The following ZNF320 variants were observed in gnomAD, a reference collection of about 807,000 sequenced individuals.
ZNF320 encodes the protein zinc finger protein 320.
ZNF320 carries 2 observed loss-of-function variants against 6.8 expected under a neutral mutation model. The ratio of observed to expected loss-of-function variants is 0.29; its 90% CI spans 0.12 to 0.93. The LOEUF is 0.93. ZNF320 is among the 40% of genes least tolerant of loss of function. The pLI is 0.55. For synonymous variants in ZNF320, 208 were observed against 203.2 expected (o/e 1.02, Z -0.20); for missense variants, 472 against 611.0 (o/e 0.77, Z 2.40).
chr19:52,859,672 C>A (rs1292436801), downstream of ZNF320, among the ~76,000 whole-genome samples: 1 of 152,104 alleles, frequency 6.6e-6, no homozygotes, highest in Non-Finnish European at 1.5e-5. Flanking sequence ...GCATAGGCTG[C>A]GGCAGCTTGA....
the ZNF320 span, among the ~76,000 whole-genome samples, chr19:52,903,775 G>C: frequency 6.6e-6 from 1 of 151,774 alleles, no homozygotes; most frequent in African/African-American, 2.4e-5. Context: ...GGGTAAAGAG[G>C]GCACACACAC....
chr19:52,870,978 C>T lies in ZNF320; in HGVS notation c.223+3014G>A, dbSNP rs13344667. ...TGACCAATATGGTGAAATCCCATCT[C>T]TACTAAGAATACAAAAAAATTAGCC... On this transcript the variant is annotated intron_variant, in intron 5 of 5. Transcript: ENST00000673631. Among the ~76,000 whole-genome samples, 729 of 151,864 alleles carry T rather than the reference C, an allele frequency of 4.8e-3. 7 individuals carry two copies. Among genetic ancestry groups the T allele is most frequent in the African/African-American group, 0.017 (685 of 41,394 alleles).
At chr19:52,900,328 T>A (rs1273741739), upstream of ZNF320, among the ~76,000 whole-genome samples, 1 of 152,176 alleles carries the variant, frequency 6.6e-6, no homozygotes, top group Non-Finnish European at 1.5e-5. Flanking sequence ...GATGAGTGAA[T>A]TTTTTTCTTT....
At position 52,879,943 on chromosome 19, in the gene ZNF320, A is replaced by G. The variant is rs1357524507; in HGVS notation, c.*653T>C. Reference sequence around the variant, plus strand: ...GATCAAAGTGATAAAAACATGTGCAAATAAGAGATACAAGCCATATTGAAT... The same window carrying G: ...GATCAAAGTGATAAAAACATGTGCAGATAAGAGATACAAGCCATATTGAAT... On this transcript the variant is annotated 3_prime_UTR_variant, in exon 6 of 6. Transcript: ENST00000682928. The G allele has an allele frequency of 1.3e-5, 2 of 152,256 alleles. No homozygotes were observed. The highest frequency in any genetic ancestry group is 4.8e-5 in the African/African-American group (2 of 41,468). The allele number at this position is 152,256 out of a possible 1,614,324, so 9.4% of individuals were successfully genotyped here. A position where few individuals can be genotyped will look rare whatever the true frequency, so the allele number is the denominator to read the frequency against.
At chr19:52,874,013 C>A, downstream of ZNF320, 2 of 465,430 alleles carry the variant, frequency 4.3e-6, no homozygotes, top group Non-Finnish European at 8.6e-6. Flanking sequence ...CCATCCCTGG[C>A]TCCTTTTCTT....
At chr19:52,873,785 C>T (rs2063720917), downstream of ZNF320, among the ~76,000 whole-genome samples, 1 of 152,110 alleles carries the variant, frequency 6.6e-6, no homozygotes, top group African/African-American at 2.4e-5. Context: ...AGGACCATGC[C>T]CAGTGGAGCC....
At chr19:52,890,370 C>T (rs1308729572) in intron 3 of ZNF320, 42 bp from the exon 4 acceptor site, 1 of 1,399,292 alleles carries the variant, frequency 7.1e-7, no homozygotes, top group African/African-American at 1.4e-5. Flanking sequence ...AGAATCAACA[C>T]ACCCCCTCCC....
At chr19:52,898,024 T>G (rs975431707), upstream of ZNF320, among the ~76,000 whole-genome samples, 1 of 152,242 alleles carries the variant, frequency 6.6e-6, no homozygotes, top group Non-Finnish European at 1.5e-5. Context: ...AGGCGGTCAT[T>G]GGACCCAGGA....
chr19:52,860,563 C>T (rs1251086706), downstream of ZNF320, among the ~76,000 whole-genome samples: 1 of 145,192 alleles, frequency 6.9e-6, no homozygotes, highest in Non-Finnish European at 1.5e-5. Flanking sequence ...TGTGCCATTG[C>T]ACTCCAGCCT....
At chr19:52,890,529 C>G (rs2064253865) in intron 3 of ZNF320, among the ~76,000 whole-genome samples, 1 of 152,162 alleles carries the variant, frequency 6.6e-6, no homozygotes, top group Non-Finnish European at 1.5e-5. Flanking sequence ...CAGTGGGGAG[C>G]TGGGCTGGGA....
chr19:52,890,835 T>C (rs148711720), intron 3 of ZNF320, among the ~76,000 whole-genome samples: 32 of 151,288 alleles, frequency 2.1e-4, no homozygotes, highest in African/African-American at 7.3e-4. Flanking sequence ...GCCAACATGG[T>C]GAAACCCTGT....
chr19:52,891,555 A>G (rs2064293780), intron 2 of ZNF320, among the ~76,000 whole-genome samples: 1 of 152,120 alleles, frequency 6.6e-6, no homozygotes, highest in South Asian at 2.1e-4. Flanking sequence ...AAATGACCTG[A>G]GACAGGAAGG....
At chr19:52,885,430 A>C (rs2064045400) in intron 5 of ZNF320, among the ~76,000 whole-genome samples, 2 of 151,460 alleles carry the variant, frequency 1.3e-5, no homozygotes, top group Admixed American at 6.6e-5. Flanking sequence ...AAAAATACAA[A>C]ATTAGGCCAG....
intron 5 of ZNF320, among the ~76,000 whole-genome samples, chr19:52,884,790 G>T (rs1437075342): frequency 6.6e-6 from 1 of 152,164 alleles, no homozygotes; most frequent in African/African-American, 2.4e-5. Context: ...ACAGAGAAAG[G>T]AACAGGAGCA....
At chr19:52,888,777 A>C (rs1274346671) in intron 4 of ZNF320, among the ~76,000 whole-genome samples, 3 of 152,190 alleles carry the variant, frequency 2.0e-5, no homozygotes, top group Non-Finnish European at 4.4e-5. Flanking sequence ...TTTTCAAAAT[A>C]TAAAAGATTT....
At chr19:52,869,193 C>T (rs895615709) in intron 5 of ZNF320, among the ~76,000 whole-genome samples, 4 of 151,950 alleles carry the variant, frequency 2.6e-5, no homozygotes, top group African/African-American at 9.7e-5. Context: ...AATATTGACC[C>T]AAGGTTAAAT....
In ZNF320 at chr19:52,879,098, C is replaced by G. The variant is rs1420472661; in HGVS notation, c.*1498G>C. On this transcript the variant is annotated 3_prime_UTR_variant, in exon 6 of 6. Transcript: ENST00000682928. ...CCCATCTGAGTGCCTCAAACCAAAC[C>G]CTGTTCAGACATGTTATAACGGATT... The G allele has an allele frequency of 6.6e-6, 1 of 152,074 alleles. No homozygotes were observed. Among genetic ancestry groups the G allele is most frequent in the Non-Finnish European group, 1.5e-5 (1 of 68,022 alleles). 9.4% of individuals were successfully genotyped at this position (152,074 alleles called of 1,614,324 possible).
intron 4 of ZNF320, among the ~76,000 whole-genome samples, chr19:52,889,672 T>C (rs1013118871): frequency 1.3e-5 from 2 of 152,204 alleles, no homozygotes; most frequent in Non-Finnish European, 1.5e-5. Flanking sequence ...TGATTTCCTA[T>C]TCTTAAAATA....
chr19:52,878,049 A>C lies in ZNF320; in HGVS notation c.*2547T>G. On this transcript the variant is annotated 3_prime_UTR_variant, in exon 6 of 6. Coordinates refer to ENST00000682928, the MANE Select transcript of ZNF320 (RefSeq NM_001351774.2). ...ATACATTCTCAATAAAACATGTCCA[A>C]CTCTCCAGATAGTGGTGACATTTTC... 1 of 172,250 alleles carries C rather than the reference A, an allele frequency of 5.8e-6. No homozygotes were observed. The highest frequency in any genetic ancestry group is 1.3e-4 in the South Asian group (1 of 7,506). 10.7% of individuals were successfully genotyped at this position (172,250 alleles called of 1,614,324 possible).
Sources: gnomAD v4.1 joint callset for allele counts (sites outside exome capture counted in the v4.1 genomes callset) on GRCh38, gnomAD v4.1.1 for gene constraint, MANE v1.5 for transcripts, NCBI Gene and HGNC (gene_info 2026-07-23, HGNC 2026-07-21) for gene names.